Variants in MLIP observed in about 807,000 individuals in gnomAD.
MLIP encodes the protein muscular LMNA-interacting protein.
In MLIP, 79 loss-of-function variants were observed where a neutral mutation model predicts 84.8. The ratio of observed to expected loss-of-function variants is 0.93; its 90% confidence interval spans 0.78 to 1.12. The LOEUF is 1.12. Ranked by LOEUF, MLIP falls within the 50% of genes most tolerant of loss-of-function variation. The pLI is 0.00. For synonymous variants in MLIP, 504 were observed against 463.0 expected (o/e 1.09, Z -1.14); for missense variants, 1,257 against 1,160.6 (o/e 1.08, Z -1.21).
chr6:54,183,634 A>G (rs1183443447), intron 9 of MLIP, among the ~76,000 whole-genome samples: 2 of 51,404 alleles, frequency 3.9e-5, no homozygotes, highest in African/African-American at 8.8e-5. Context: ...TCCCTATCTT[A>G]AAGAATCAAA....
At chr6:54,134,035 T>G (rs1395871467) in intron 3 of MLIP, among the ~76,000 whole-genome samples, 1 of 152,038 alleles carries the variant, frequency 6.6e-6, no homozygotes, top group Non-Finnish European at 1.5e-5. Context: ...GAGAAGGAGT[T>G]AGAGCATCAG....
intron 5 of MLIP, among the ~76,000 whole-genome samples, chr6:54,149,477 C>T (rs1428874793): frequency 6.6e-6 from 1 of 152,042 alleles, no homozygotes; most frequent in Non-Finnish European, 1.5e-5. Flanking sequence ...CCATATTGAT[C>T]AAAAGAATTG....
In MLIP at chr6:54,228,203, A is replaced by C. The variant is rs1485732734; in HGVS notation, c.2719-2511A>C. On this transcript the variant is annotated intron_variant, in intron 11 of 13. Transcript: ENST00000502396. ...CTCAAAAAAAAAAAAAAAAAAAAAA[A>C]AAAAAAAAAAAGAGAAAGAAAAAAG... Among the ~76,000 whole-genome samples the C allele has an allele frequency of 1.5e-4, 19 of 126,574 alleles. 1 individual carries two copies. Among genetic ancestry groups the C allele is most frequent in the Non-Finnish European group, 1.9e-4 (12 of 61,542 alleles). The allele number at this position is 126,574 out of a possible 152,430, so 83.0% of individuals were successfully genotyped here.
chr6:54,120,985 A>G (rs758609740), intron 1 of MLIP, among the ~76,000 whole-genome samples: 1 of 152,214 alleles, frequency 6.6e-6, no homozygotes, highest in Non-Finnish European at 1.5e-5. Flanking sequence ...CATACTTTCA[A>G]CTTTAAATTT....
At chr6:54,160,139 A>C (rs1774463228) in intron 5 of MLIP, among the ~76,000 whole-genome samples, 1 of 152,094 alleles carries the variant, frequency 6.6e-6, no homozygotes, top group African/African-American at 2.4e-5. Context: ...GAAAACTGAA[A>C]CTGGACCCCT....
At chr6:54,100,222 T>C (rs1027063060) in intron 1 of MLIP, among the ~76,000 whole-genome samples, 11 of 152,206 alleles carry the variant, frequency 7.2e-5, no homozygotes, top group Non-Finnish European at 1.3e-4. Context: ...GTTTTCTTTA[T>C]GGAAGTGATG....
At chr6:54,103,798 A>T (rs938791413) in intron 1 of MLIP, among the ~76,000 whole-genome samples, 1 of 152,194 alleles carries the variant, frequency 6.6e-6, no homozygotes, top group East Asian at 1.9e-4. Context: ...GCTTATCTTT[A>T]TACTTACATT....
chr6:54,183,743 G>GTTTTTTTTT (rs3996970), intron 9 of MLIP, among the ~76,000 whole-genome samples: 1 of 116,736 alleles, frequency 8.6e-6, no homozygotes, highest in Non-Finnish European at 1.7e-5. Context: ...GACAGGGTAA[G>GTTTTTTTTT]TTTTTTTTTT....
At chr6:54,174,864 C>G (rs1452141435) in intron 9 of MLIP, among the ~76,000 whole-genome samples, 6 of 151,884 alleles carry the variant, frequency 4.0e-5, no homozygotes, top group Middle Eastern at 6.8e-3. Flanking sequence ...TCTCTTGTAG[C>G]AGTCTCATAG....
At chr6:54,039,944 A>G (rs1164878344) in intron 1 of MLIP, among the ~76,000 whole-genome samples, 1 of 152,010 alleles carries the variant, frequency 6.6e-6, no homozygotes, top group Admixed American at 6.6e-5. Flanking sequence ...TTCTCAGTAG[A>G]CAGTGACTAT....
chr6:54,124,457 T>G lies in MLIP; in HGVS notation c.253-16T>G. ...AAACTAATGTCAATGCTTTTATCTCTCTACATCTATTACAGTCTAAATCCA... is the reference window on the plus strand; with the variant it reads ...AAACTAATGTCAATGCTTTTATCTCGCTACATCTATTACAGTCTAAATCCA... On this transcript the variant is annotated splice_polypyrimidine_tract_variant and intron_variant, in intron 2 of 13. Coordinates refer to ENST00000502396, the MANE Select transcript of MLIP (RefSeq NM_001281747.2). The G allele has an allele frequency of 1.2e-6, 2 of 1,601,680 alleles. No homozygotes were observed. The highest frequency in any genetic ancestry group is 1.7e-6 in the Non-Finnish European group (2 of 1,172,708).
intron 11 of MLIP, among the ~76,000 whole-genome samples, chr6:54,223,344 G>A (rs1001960188): frequency 1.3e-5 from 2 of 151,474 alleles, no homozygotes; most frequent in African/African-American, 2.4e-5. Flanking sequence ...TCAAGCAGAA[G>A]CTTTTTTTCT....
In MLIP at chr6:54,262,440, A is replaced by G. The variant is rs147721512; in HGVS notation, c.2977-3510A>G. 4.5e-3 allele frequency among the ~76,000 whole-genome samples: 683 copies of G among 152,170 alleles called. 5 individuals carry two copies. The highest frequency in any genetic ancestry group is 0.015 in the African/African-American group (640 of 41,556). On this transcript the variant is annotated intron_variant, in intron 13 of 13. Transcript: ENST00000502396. Reference sequence around the variant, plus strand: ...CCTCAAGTAAGAAAAAAATGACAGCATCGTTAATTATACATAGTTCATCTT... The same window carrying G: ...CCTCAAGTAAGAAAAAAATGACAGCGTCGTTAATTATACATAGTTCATCTT...
intron 1 of MLIP, among the ~76,000 whole-genome samples, chr6:54,027,012 T>A (rs963016913): frequency 3.3e-5 from 5 of 152,228 alleles, no homozygotes; most frequent in African/African-American, 1.2e-4. Flanking sequence ...TATTAAATTC[T>A]TTCCATACCA....
chr6:54,189,285 TA>T (rs1777691256), intron 9 of MLIP, among the ~76,000 whole-genome samples: 1 of 152,184 alleles, frequency 6.6e-6, no homozygotes, highest in Non-Finnish European at 1.5e-5. Context: ...ATAACATTTT[TA>T]AAAATGAAAG....
At chr6:54,249,484 G>C (rs1187188632) in intron 12 of MLIP, among the ~76,000 whole-genome samples, 1 of 150,714 alleles carries the variant, frequency 6.6e-6, no homozygotes, top group Non-Finnish European at 1.5e-5. Flanking sequence ...TTTTTGATAT[G>C]AGAGGCATAT....
chr6:54,101,549 G>A (rs1768650719), intron 1 of MLIP, among the ~76,000 whole-genome samples: 1 of 152,060 alleles, frequency 6.6e-6, no homozygotes, highest in Non-Finnish European at 1.5e-5. Flanking sequence ...GTAGATTTAT[G>A]TTTTTGAACC....
intron 1 of MLIP, among the ~76,000 whole-genome samples, chr6:54,033,408 A>G (rs1254400466): frequency 6.6e-6 from 1 of 152,000 alleles, no homozygotes; most frequent in African/African-American, 2.4e-5. Context: ...CTGGGAATAC[A>G]GGCGTGTGCC....
At chr6:54,202,056 AAT>A in intron 10 of MLIP, 47 bp from the exon 11 acceptor site, 1 of 1,341,774 alleles carries the variant, frequency 7.5e-7, no homozygotes, top group Non-Finnish European at 1.0e-6. Flanking sequence ...TGTTCATTTT[AAT>A]AGTGTTTTTT....
Sources: allele counts gnomAD v4.1 joint callset (sites outside exome capture counted in the v4.1 genomes callset), GRCh38; gene constraint gnomAD v4.1.1; transcripts MANE v1.5; gene names NCBI Gene and HGNC (gene_info 2026-07-23, HGNC 2026-07-21).